SLC5A7: variants seen among roughly 807,000 people sequenced by gnomAD.
SLC5A7 encodes solute carrier family 5 member 7, also known as high affinity choline transporter 1.
Under a neutral mutation model 55.4 loss-of-function variants are expected in SLC5A7, and 19 were observed. That is an observed-to-expected ratio of 0.34 (90% CI 0.24 to 0.50). The LOEUF is 0.50. SLC5A7 is among the 20% of genes least tolerant of loss of function. The probability of loss-of-function intolerance (pLI) is 0.98; values close to 1 mark genes in which losing one functional copy is unlikely to be tolerated. For synonymous variants in SLC5A7, 265 were observed against 263.7 expected (o/e 1.00, Z -0.05); for missense variants, 506 against 705.3 (o/e 0.72, Z 3.20).
At chr2:108,008,731 G>T in intron 8 of SLC5A7, 49 bp downstream of exon 8, 9 of 1,453,942 alleles carry the variant, frequency 6.2e-6, no homozygotes, top group Non-Finnish European at 8.6e-6. Flanking sequence ...TGCTCTTGCT[G>T]CTTCTGATGT....
At chr2:107,999,332 A>G (rs1677796923) in intron 5 of SLC5A7, among the ~76,000 whole-genome samples, 2 of 152,232 alleles carry the variant, frequency 1.3e-5, no homozygotes, top group Non-Finnish European at 2.9e-5. Flanking sequence ...TGGTTTGGCA[A>G]TGACAGCTCT....
intron 7 of SLC5A7, among the ~76,000 whole-genome samples, chr2:108,006,696 T>A (rs1180802298): frequency 6.6e-6 from 1 of 152,180 alleles, no homozygotes; most frequent in Non-Finnish European, 1.5e-5. Context: ...TACGGATATG[T>A]GGCCTACTTC....
At position 108,013,787 on chromosome 2, in the gene SLC5A7, T is replaced by G. The variant is rs552312532; in HGVS notation, c.*2926T>G. The G allele has an allele frequency of 6.6e-6, 1 of 152,274 alleles. No individual in the cohort carries two copies. The highest frequency in any genetic ancestry group is 2.1e-4 in the South Asian group (1 of 4,824). 9.4% of individuals were successfully genotyped at this position (152,274 alleles called of 1,614,324 possible). A position where few individuals can be genotyped will look rare whatever the true frequency, so the allele number is the denominator to read the frequency against. On this transcript the variant is annotated 3_prime_UTR_variant, in exon 9 of 9. Coordinates refer to ENST00000264047, the MANE Select transcript of SLC5A7 (RefSeq NM_021815.5). ...AAATGCTTTGTTTTCCCACACATATTCAAATCAGCAAGCTTGTAGCTGGAC... is the reference window on the plus strand; with the variant it reads ...AAATGCTTTGTTTTCCCACACATATGCAAATCAGCAAGCTTGTAGCTGGAC...
rs1677594224 is a variant in SLC5A7, at chr2:107,994,607, A to C, written c.448+1480A>C. On this transcript the variant is annotated intron_variant, in intron 4 of 8. Coordinates refer to ENST00000264047, the MANE Select transcript of SLC5A7 (RefSeq NM_021815.5). ...TCTCAAAAAGAAAAAAAAAGAAACAACTAGGTGGAAAATGCTGCACTTCTC... is the reference window on the plus strand; with the variant it reads ...TCTCAAAAAGAAAAAAAAAGAAACACCTAGGTGGAAAATGCTGCACTTCTC... Among the ~76,000 whole-genome samples the C allele has an allele frequency of 2.0e-5, 3 of 151,982 alleles. No homozygotes were observed. In the South Asian group the frequency reaches 6.3e-4, roughly 32 times the overall value.
At position 107,998,049 on chromosome 2, in the gene SLC5A7, A is replaced by G. The variant is rs1677743372; in HGVS notation, c.597+63A>G. The G allele has an allele frequency of 3.5e-6, 5 of 1,425,258 alleles. No homozygotes were observed. In the African/African-American group the frequency reaches 7.2e-5, roughly 20 times the overall value. The allele number at this position is 1,425,258 out of a possible 1,614,324, so 88.3% of individuals were successfully genotyped here. A position where few individuals can be genotyped will look rare whatever the true frequency, so the allele number is the denominator to read the frequency against. On this transcript the variant is annotated intron_variant, in intron 5 of 8. Transcript: ENST00000264047. ...TGTAAAAGGTAATGTATTTTATACT[A>G]ACTCATTAAAAATGAGTAGAAATAT... is the stretch of plus-strand genomic sequence containing the variant.
chr2:107,997,874 A>T lies in SLC5A7; in HGVS notation c.485A>T (p.His162Leu). The change falls in exon 5 of 9, where the codon CAC becomes CTC. Residue 162 changes from histidine to leucine, a missense_variant. By Grantham distance (99) the His-to-Leu change is moderately conservative. Transcript: ENST00000264047. ...AGCGTGATCATCGATGTGGATATGCACATTTCTGTCATCATCTCTGCACTC... is the reference window on the plus strand; with the variant it reads ...AGCGTGATCATCGATGTGGATATGCTCATTTCTGTCATCATCTCTGCACTC... ...TISVIIDVDM[H>L]ISVIISALIA... 1 of 1,612,804 alleles carries T rather than the reference A, an allele frequency of 6.2e-7. No individual in the cohort carries two copies. The highest frequency in any genetic ancestry group is 1.7e-5 in the Admixed American group (1 of 59,896).
At position 107,992,234 on chromosome 2, in the gene SLC5A7, A is replaced by G. The variant is rs1456847110; in HGVS notation, c.292+15A>G. The G allele has an allele frequency of 6.7e-7, 1 of 1,496,412 alleles. No homozygotes were observed. The highest frequency in any genetic ancestry group is 1.1e-5 in the South Asian group (1 of 88,558). The allele number at this position is 1,496,412 out of a possible 1,614,324, so 92.7% of individuals were successfully genotyped here. A position where few individuals can be genotyped will look rare whatever the true frequency, so the allele number is the denominator to read the frequency against. On this transcript the variant is annotated intron_variant, in intron 3 of 8. Transcript: ENST00000264047. ...TCTGATTTTAGGTAAGTGAAAGTGCAAATCTCAGTGACTCACTCAGTAAAG... is the reference window on the plus strand; with the variant it reads ...TCTGATTTTAGGTAAGTGAAAGTGCGAATCTCAGTGACTCACTCAGTAAAG...
At chr2:108,002,544 T>G (rs996025763) in intron 6 of SLC5A7, among the ~76,000 whole-genome samples, 1 of 152,042 alleles carries the variant, frequency 6.6e-6, no homozygotes, top group African/African-American at 2.4e-5. Flanking sequence ...AGAGGAAGCT[T>G]GAAAACAGGC....
chr2:107,992,998 C>T lies in SLC5A7; in HGVS notation c.319C>T (p.Arg107Cys), dbSNP rs1265189648. The T allele has an allele frequency of 1.2e-6, 2 of 1,613,930 alleles. No homozygotes were observed. Among genetic ancestry groups the T allele is most frequent in the Non-Finnish European group, 8.5e-7 (1 of 1,179,982 alleles). Residue 107 changes from arginine (R) to cysteine (C), a missense_variant, in exon 4 of 9, where the codon CGT becomes TGT. Arg to Cys is a radical substitution (Grantham distance 180). Coordinates refer to ENST00000264047, the MANE Select transcript of SLC5A7 (RefSeq NM_021815.5). Reference protein sequence around the residue: ...LGGLFFAKPMRSKGYVTMLDP... With the variant: ...LGGLFFAKPMCSKGYVTMLDP... ...TGGCCTGTTCTTTGCAAAACCTATG[C>T]GTTCAAAGGGGTATGTGACCATGTT... is the stretch of plus-strand genomic sequence containing the variant.
rs1356677704 is a variant in SLC5A7, at chr2:108,001,801, C to T, written c.598-96C>T. On this transcript the variant is annotated intron_variant, in intron 5 of 8. Coordinates refer to ENST00000264047, the MANE Select transcript of SLC5A7 (RefSeq NM_021815.5). ...TCCTTCTCTGTCTGAACTAGAGGAA[C>T]TACTGAGCTGTGCAGTGTGTGAGGT... 4 of 1,308,784 alleles carry T rather than the reference C, an allele frequency of 3.1e-6. No individual in the cohort carries two copies. In the African/African-American group the frequency reaches 4.4e-5, roughly 14 times the overall value. The allele number at this position is 1,308,784 out of a possible 1,614,324, so 81.1% of individuals were successfully genotyped here.
rs143876748 is a variant in SLC5A7 at position 107,988,201 on chromosome 2, C to A, written c.46C>A (p.Leu16Ile). Residue 16 changes from leucine (L) to isoleucine (I), a missense_variant, in exon 2 of 9, where the codon CTT becomes ATT. Physicochemically the swap from Leu to Ile is conservative, Grantham distance 5. Around this residue, in one of 4 missense-constraint regions of SLC5A7, gnomAD observed 56 missense variants for 62.6 expected, o/e 0.89. Transcript: ENST00000264047. ...EGLIAIIVFYLLILLVGIWAA... is the reference protein window; with the variant it reads ...EGLIAIIVFYILILLVGIWAA... ...ACTGATAGCTATCATCGTGTTCTAC[C>A]TTCTAATTTTGCTGGTTGGAATATG... 5 of 1,614,090 alleles carry A rather than the reference C, an allele frequency of 3.1e-6. No individual in the cohort carries two copies. The South Asian group carries it at 4.4e-5, about 14-fold the overall frequency.
Position 107,997,957 on chromosome 2 carries a change from G to T in SLC5A7, c.568G>T (p.Val190Phe). 1 of 1,612,796 alleles carries T rather than the reference G, an allele frequency of 6.2e-7. No homozygotes were observed. Among genetic ancestry groups the T allele is most frequent in the East Asian group, 2.2e-5 (1 of 44,856 alleles). Residue 190 changes from valine (V) to phenylalanine (F), a missense_variant, in exon 5 of 9, where the codon GTT becomes TTT. Coordinates refer to ENST00000264047, the MANE Select transcript of SLC5A7 (RefSeq NM_021815.5). Reference sequence around the variant, plus strand: ...CTATTCTGTGGCCTACACTGATGTCGTTCAGCTCTTTTGCATTTTTGTAGG... The same window carrying T: ...CTATTCTGTGGCCTACACTGATGTCTTTCAGCTCTTTTGCATTTTTGTAGG... Reference protein sequence around the residue: ...GLYSVAYTDVVQLFCIFVGLW... With the variant: ...GLYSVAYTDVFQLFCIFVGLW...
Position 108,010,404 on chromosome 2 carries a change from G to T in SLC5A7, c.1286G>T (p.Gly429Val). ...PQLLCVLFVK[G>V]TNTYGAVAGY... is the part of the protein sequence containing the mutation. The stretch of plus-strand genomic sequence containing the variant: ...CTGCTTTGTGTACTCTTTGTTAAGG[G>T]AACCAACACCTATGGGGCCGTGGCA... The change falls in exon 9 of 9, where the codon GGA becomes GTA. Residue 429 changes from glycine to valine, a missense_variant. This residue lies in a region of SLC5A7 where 309 missense variants were observed against 478.6 expected (regional missense o/e 0.65). Coordinates refer to ENST00000264047, the MANE Select transcript of SLC5A7 (RefSeq NM_021815.5). 1 of 1,613,890 alleles carries T rather than the reference G, an allele frequency of 6.2e-7. No homozygotes were observed.
rs1678376439 is a variant in SLC5A7 at position 108,012,628 on chromosome 2, A to G, written c.*1767A>G. On this transcript the variant is annotated 3_prime_UTR_variant, in exon 9 of 9. Transcript: ENST00000264047. Reference sequence around the variant, plus strand: ...TGGTGAATATTACATTGCATTCAAAATCTTCACTGAATATCATATGTATCT... The same window carrying G: ...TGGTGAATATTACATTGCATTCAAAGTCTTCACTGAATATCATATGTATCT... 6.6e-6 allele frequency: 1 copy of G among 152,146 alleles called. No homozygotes were observed. Among genetic ancestry groups the G allele is most frequent in the Admixed American group, 6.6e-5 (1 of 15,262 alleles). 9.4% of individuals were successfully genotyped at this position (152,146 alleles called of 1,614,324 possible).
rs1331764781 is a variant in SLC5A7 at position 108,010,321 on chromosome 2, T to A, written c.1203T>A (p.Thr401=). 6.2e-7 allele frequency: 1 copy of A among 1,613,964 alleles called. No individual in the cohort carries two copies. The highest frequency in any genetic ancestry group is 8.5e-7 in the Non-Finnish European group (1 of 1,179,906). ...CAGCCATGGCCTTGCTGACGAAAACTGTGTATGGGCTCTGGTACCTCAGTT... is the reference window on the plus strand; with the variant it reads ...CAGCCATGGCCTTGCTGACGAAAACAGTGTATGGGCTCTGGTACCTCAGTT... ...SATAMALLTK[T]VYGLWYLSSD... Residue 401 remains threonine, a synonymous_variant, in exon 9 of 9, where the codon ACT becomes ACA. Transcript: ENST00000264047.
At chr2:107,997,341 C>T (rs1573600189) in intron 4 of SLC5A7, among the ~76,000 whole-genome samples, 1 of 152,284 alleles carries the variant, frequency 6.6e-6, no homozygotes, top group East Asian at 1.9e-4. Context: ...AGCCCAGGAG[C>T]AATAGGCCAT....
intron 4 of SLC5A7, among the ~76,000 whole-genome samples, chr2:107,994,836 T>C (rs1444699414): frequency 6.6e-6 from 1 of 152,132 alleles, no homozygotes; most frequent in African/African-American, 2.4e-5. Context: ...GGGCTGAGTA[T>C]ATAACAAAAT....
At chr2:107,987,109 T>G (rs1234757580) in intron 1 of SLC5A7, among the ~76,000 whole-genome samples, 7 of 151,908 alleles carry the variant, frequency 4.6e-5, no homozygotes. Context: ...GGCTGATTCT[T>G]TCCCCCAACG....
At chr2:107,988,457 C>A in intron 2 of SLC5A7, 124 bp downstream of exon 2, 1 of 701,770 alleles carries the variant, frequency 1.4e-6, no homozygotes, top group Non-Finnish European at 2.2e-6. Context: ...TCTTTATGTT[C>A]ACTAGTTATA....
Sources: allele counts gnomAD v4.1 joint callset (sites outside exome capture counted in the v4.1 genomes callset), GRCh38; gene constraint gnomAD v4.1.1; regional missense constraint gnomAD v4.1.1; transcripts MANE v1.5; gene names NCBI Gene and HGNC (gene_info 2026-07-23, HGNC 2026-07-21).